The following PLD1 variants were observed in gnomAD, a reference collection of about 807,000 sequenced individuals.
PLD1 encodes the protein choline phosphatase 1.
In PLD1, 112 loss-of-function variants were observed where a neutral mutation model predicts 137.1. The observed-to-expected ratio is 0.82, with a 90% confidence interval of 0.70 to 0.96. The LOEUF (loss-of-function observed/expected upper bound fraction) is 0.96, where lower values mean the gene tolerates loss of function less well. PLD1 is among the 40% of genes least tolerant of loss of function. PLD1 has a pLI of 0.00. For missense variants in PLD1, 1,321 were observed against 1,342.0 expected, an observed-to-expected ratio of 0.98 and a Z score of 0.24; for synonymous variants, 431 against 454.7, an observed-to-expected ratio of 0.95 and a Z score of 0.66.
chr3:171,676,758 C>A lies in PLD1; in HGVS notation c.2072G>T (p.Arg691Leu), dbSNP rs146885315. 260 of 1,614,202 alleles carry A rather than the reference C, an allele frequency of 1.6e-4. No homozygotes were observed. The highest frequency in any genetic ancestry group is 1.6e-5 in the Non-Finnish European group (19 of 1,180,024). ...IASAVHGKAA[R>L]DVARHFIQRW... ...CTGGATGAAGTGACGTGCCACATCACGAGCCGCCTTCCCGTGGACTGCAGA... is the reference window on the plus strand; with the variant it reads ...CTGGATGAAGTGACGTGCCACATCAAGAGCCGCCTTCCCGTGGACTGCAGA... Residue 691 changes from arginine to leucine, a missense_variant, in exon 18 of 27, where the codon CGT becomes CTT. Transcript: ENST00000351298.
intron 25 of PLD1, among the ~76,000 whole-genome samples, chr3:171,608,295 C>A (rs1188954888): frequency 6.6e-6 from 1 of 152,116 alleles, no homozygotes; most frequent in Non-Finnish European, 1.5e-5. Flanking sequence ...AAATTGAAGT[C>A]CATACCTTGT....
At chr3:171,637,249 T>G (rs886179167) in intron 23 of PLD1, among the ~76,000 whole-genome samples, 1 of 152,208 alleles carries the variant, frequency 6.6e-6, no homozygotes, top group Non-Finnish European at 1.5e-5. Flanking sequence ...TCTTTTCTTT[T>G]CTTTTGAGAC....
At chr3:171,807,906 C>T (rs950006025) in intron 1 of PLD1, among the ~76,000 whole-genome samples, 2 of 152,214 alleles carry the variant, frequency 1.3e-5, no homozygotes, top group Non-Finnish European at 2.9e-5. Flanking sequence ...AAAAGTAACA[C>T]AATCGTGTCC....
intron 24 of PLD1, among the ~76,000 whole-genome samples, chr3:171,618,982 TATGAG>T (rs1314527277): frequency 2.0e-5 from 3 of 152,188 alleles, no homozygotes; most frequent in Admixed American, 6.5e-5. Context: ...TCTTCTCAGA[TATGAG>T]ATATGTTTTC....
At chr3:171,775,535 A>G (rs566192259) in intron 1 of PLD1, among the ~76,000 whole-genome samples, 39 of 152,264 alleles carry the variant, frequency 2.6e-4, no homozygotes, top group African/African-American at 8.9e-4. Flanking sequence ...GTAAAAGTAA[A>G]GAACATCTGA....
intron 21 of PLD1, among the ~76,000 whole-genome samples, chr3:171,650,889 G>C (rs1038953430): frequency 7.3e-5 from 11 of 151,292 alleles, no homozygotes; most frequent in African/African-American, 2.4e-4. Flanking sequence ...GCGACAGAGC[G>C]AGAATCCGTC....
chr3:171,785,935 T>A (rs1482494375), intron 1 of PLD1, among the ~76,000 whole-genome samples: 1 of 152,190 alleles, frequency 6.6e-6, no homozygotes, highest in Admixed American at 6.5e-5. Flanking sequence ...GCAACAAGCA[T>A]GTAAAAACCA....
At chr3:171,790,996 T>C (rs1723190604) in intron 1 of PLD1, among the ~76,000 whole-genome samples, 1 of 152,246 alleles carries the variant, frequency 6.6e-6, no homozygotes, top group African/African-American at 2.4e-5. Flanking sequence ...TTAATTTCAC[T>C]GCTATGTACA....
At chr3:171,675,928 C>T (rs10049336) in intron 18 of PLD1, among the ~76,000 whole-genome samples, 6,360 of 151,540 alleles carry the variant, frequency 0.042, 436 homozygotes, top group African/African-American at 0.14. Flanking sequence ...CTGCAAACTC[C>T]GCCTCCTGGA....
intron 12 of PLD1, among the ~76,000 whole-genome samples, chr3:171,694,300 A>G (rs995056992): frequency 2.6e-5 from 4 of 152,150 alleles, no homozygotes; most frequent in African/African-American, 9.7e-5. Context: ...GGCTTTTAGT[A>G]CTTGCTAATT....
chr3:171,645,927 G>A (rs956458287), intron 21 of PLD1, among the ~76,000 whole-genome samples: 3 of 147,316 alleles, frequency 2.0e-5, no homozygotes, highest in Admixed American at 2.0e-4. Context: ...TGGCCAGTAT[G>A]TATATTTAAG....
chr3:171,694,551 T>A (rs1715504603), intron 12 of PLD1, among the ~76,000 whole-genome samples: 1 of 142,648 alleles, frequency 7.0e-6, no homozygotes, highest in Non-Finnish European at 1.5e-5. Context: ...CACTGAATAA[T>A]GGTTACAAAA....
intron 23 of PLD1, among the ~76,000 whole-genome samples, chr3:171,629,783 A>T (rs1482385170): frequency 1.3e-5 from 2 of 152,232 alleles, no homozygotes; most frequent in Non-Finnish European, 2.9e-5. Flanking sequence ...TATTCAATAA[A>T]TGGTGCTGGG....
At position 171,757,686 on chromosome 3, in the gene PLD1, T is replaced by C. The variant is rs147105133; in HGVS notation, c.-31-19604A>G. On this transcript the variant is annotated intron_variant, in intron 1 of 26. Transcript: ENST00000351298. ...TTGATTATACCTGCCTTTGATATCATTCAGTTCTAGTTACCCAAGAAAAAG... is the reference window on the plus strand; with the variant it reads ...TTGATTATACCTGCCTTTGATATCACTCAGTTCTAGTTACCCAAGAAAAAG... 1.6e-3 allele frequency among the ~76,000 whole-genome samples: 251 copies of C among 152,342 alleles called. 3 individuals are homozygous for C. Among genetic ancestry groups the C allele is most frequent in the African/African-American group, 5.8e-3 (241 of 41,586 alleles).
chr3:171,781,567 G>A (rs1722797410), intron 1 of PLD1, among the ~76,000 whole-genome samples: 1 of 152,128 alleles, frequency 6.6e-6, no homozygotes, highest in African/African-American at 2.4e-5. Flanking sequence ...TTCGATAAAA[G>A]TGAGCAAAAG....
At chr3:171,796,501 C>T (rs1045734063) in intron 1 of PLD1, among the ~76,000 whole-genome samples, 6 of 152,180 alleles carry the variant, frequency 3.9e-5, no homozygotes, top group Admixed American at 1.3e-4. Flanking sequence ...AACAAATATA[C>T]GAATGCCTGT....
intron 11 of PLD1, 111 bp downstream of exon 11, chr3:171,708,644 C>T (rs762309566): frequency 2.2e-4 from 136 of 631,988 alleles, no homozygotes; most frequent in Middle Eastern, 2.7e-4. Flanking sequence ...GCCAAACCAT[C>T]CACAGATACA....
At chr3:171,717,422 C>T (rs919494409) in intron 8 of PLD1, among the ~76,000 whole-genome samples, 22 of 152,074 alleles carry the variant, frequency 1.4e-4, no homozygotes, top group African/African-American at 4.1e-4. Context: ...GATCTTTCAC[C>T]TCCCTAGTCA....
intron 11 of PLD1, among the ~76,000 whole-genome samples, chr3:171,707,197 C>T (rs1258914150): frequency 6.6e-6 from 1 of 152,134 alleles, no homozygotes; most frequent in Non-Finnish European, 1.5e-5. Context: ...GGAAAAATAA[C>T]TAGTGGGTAC....
Sources: allele counts gnomAD v4.1 joint callset (sites outside exome capture counted in the v4.1 genomes callset), GRCh38; gene constraint gnomAD v4.1.1; transcripts MANE v1.5; gene names NCBI Gene and HGNC (gene_info 2026-07-23, HGNC 2026-07-21).